Variants in MBNL2 observed in about 807,000 individuals in gnomAD.
The protein encoded by MBNL2 is muscleblind like splicing regulator 2, also known as muscleblind-like protein 2.
In MBNL2, 17 loss-of-function variants were observed where a neutral mutation model predicts 41.9. The ratio of observed to expected loss-of-function variants is 0.41; its 90% CI spans 0.28 to 0.61. MBNL2 has a LOEUF of 0.61. Among genes scored for constraint, MBNL2 ranks in the 20% least tolerant of loss-of-function variants. MBNL2 has a pLI of 0.35. For synonymous variants in MBNL2, 195 were observed against 182.9 expected, an observed-to-expected ratio of 1.07 and a Z score of -0.53; for missense variants, 336 against 505.6, an observed-to-expected ratio of 0.66 and a Z score of 3.22.
At chr13:97,329,243 G>T (rs955215595) in intron 2 of MBNL2, among the ~76,000 whole-genome samples, 6 of 152,120 alleles carry the variant, frequency 3.9e-5, no homozygotes, top group African/African-American at 1.4e-4. Context: ...CTTGGAAGTA[G>T]AAACTGCACA....
At position 97,246,995 on chromosome 13, in the gene MBNL2, C is replaced by G. The variant is rs563354695; in HGVS notation, c.-605+24464C>G. On this transcript the variant is annotated intron_variant, in intron 1 of 8. Coordinates refer to ENST00000679496, the MANE Select transcript of MBNL2 (RefSeq NM_001382683.1). ...GTGTTGAGTAGCCTAAATAATGAAA[C>G]TAGTAATTGAAATTCTTTCTTATTG... Among the ~76,000 whole-genome samples, 3 of 152,264 alleles carry G rather than the reference C, an allele frequency of 2.0e-5. No homozygotes were observed. In the East Asian group the frequency reaches 5.8e-4, roughly 29 times the overall value.
At chr13:97,317,779 G>A (rs79040711) in intron 2 of MBNL2, among the ~76,000 whole-genome samples, 4,078 of 152,178 alleles carry the variant, frequency 0.027, 164 homozygotes, top group African/African-American at 0.088. Flanking sequence ...AAATATACTC[G>A]ATCACTTTAA....
chr13:97,241,002 C>A (rs573141101), intron 1 of MBNL2, among the ~76,000 whole-genome samples: 84 of 152,264 alleles, frequency 5.5e-4, no homozygotes, highest in African/African-American at 1.9e-3. Context: ...GACTGACTGA[C>A]TGAATGAATG....
the MBNL2 span, among the ~76,000 whole-genome samples, chr13:97,165,768 A>G: frequency 6.6e-6 from 1 of 152,212 alleles, no homozygotes; most frequent in Non-Finnish European, 1.5e-5. Flanking sequence ...TGTGTGATAT[A>G]GTTATGCTTA....
chr13:97,145,951 G>T, the MBNL2 span, among the ~76,000 whole-genome samples: 1 of 137,482 alleles, frequency 7.3e-6, no homozygotes, highest in South Asian at 2.4e-4. Context: ...TGCAGACAGG[G>T]TTCTACTCTT....
At position 97,329,783 on chromosome 13, in the gene MBNL2, A is replaced by G. The variant is rs1011424096; in HGVS notation, c.175-4493A>G. On this transcript the variant is annotated intron_variant, in intron 2 of 8. Transcript: ENST00000679496. ...ACACAGCACACACACAACAGGAAAC[A>G]CACAATACATATAATACATACAACA... Among the ~76,000 whole-genome samples, 18 of 89,414 alleles carry G rather than the reference A, an allele frequency of 2.0e-4. 4 individuals carry two copies. Among genetic ancestry groups the G allele is most frequent in the African/African-American group, 7.8e-4 (18 of 23,058 alleles). The allele number at this position is 89,414 out of a possible 152,430, so 58.7% of individuals were successfully genotyped here. A position where few individuals can be genotyped will look rare whatever the true frequency, so the allele number is the denominator to read the frequency against.
Position 97,287,945 on chromosome 13 carries a change from T to TG in MBNL2, c.174+11536_174+11537insG, listed in dbSNP as rs2054976986. On this transcript the variant is annotated intron_variant, in intron 2 of 8. Transcript: ENST00000679496. ...TTTTTTTTTGTTTTGTTTTGTTTTT[T>TG]TTTTTTTTAGTAGAGATGGGGTTTC... 2.1e-5 allele frequency among the ~76,000 whole-genome samples: 3 copies of TG among 145,580 alleles called. No homozygotes were observed. In the South Asian group the frequency reaches 6.5e-4, roughly 31 times the overall value.
At chr13:97,321,718 G>A (rs189515697) in intron 2 of MBNL2, among the ~76,000 whole-genome samples, 3 of 152,316 alleles carry the variant, frequency 2.0e-5, no homozygotes, top group Admixed American at 2.0e-4. Flanking sequence ...AAGACAGGGT[G>A]TGAAGAATGC....
At chr13:97,262,440 G>A (rs886911956) in intron 1 of MBNL2, among the ~76,000 whole-genome samples, 2 of 152,280 alleles carry the variant, frequency 1.3e-5, no homozygotes, top group Middle Eastern at 3.4e-3. Flanking sequence ...ATTATTGGAA[G>A]GATCTTTTGT....
the MBNL2 span, among the ~76,000 whole-genome samples, chr13:97,197,577 C>T: frequency 6.6e-6 from 1 of 152,034 alleles, no homozygotes; most frequent in African/African-American, 2.4e-5. Flanking sequence ...TTTTCTCTAG[C>T]CAGTTTTGCT....
the MBNL2 span, among the ~76,000 whole-genome samples, chr13:97,178,928 G>A: frequency 6.6e-6 from 1 of 152,050 alleles, no homozygotes; most frequent in South Asian, 2.1e-4. Context: ...AAATACAATG[G>A]TATATATCAA....
chr13:97,195,242 C>T, the MBNL2 span, among the ~76,000 whole-genome samples: 18 of 152,254 alleles, frequency 1.2e-4, no homozygotes, highest in African/African-American at 3.9e-4. Context: ...GCCTTGTTCT[C>T]GAGAACTCAG....
At chr13:97,382,702 TCTCA>T (rs1393677946) in intron 8 of MBNL2, among the ~76,000 whole-genome samples, 5 of 149,376 alleles carry the variant, frequency 3.3e-5, no homozygotes, top group Non-Finnish European at 4.4e-5. Context: ...GAAAAGGGTG[TCTCA>T]CTCTGTCACC....
the MBNL2 span, among the ~76,000 whole-genome samples, chr13:97,146,974 T>A: frequency 6.6e-6 from 1 of 152,196 alleles, no homozygotes; most frequent in Admixed American, 6.5e-5. Flanking sequence ...CCTCTTTTTG[T>A]TTTGTATACT....
chr13:97,225,247 G>A (rs1028675951), intron 1 of MBNL2, among the ~76,000 whole-genome samples: 12 of 152,154 alleles, frequency 7.9e-5, no homozygotes, highest in Admixed American at 5.9e-4. Flanking sequence ...TAGATGCTGA[G>A]CTTAAGAGAA....
the MBNL2 span, among the ~76,000 whole-genome samples, chr13:97,175,088 C>T: frequency 4.6e-5 from 7 of 152,200 alleles, no homozygotes; most frequent in South Asian, 4.1e-4. Flanking sequence ...CTACATTCAG[C>T]CAATGACTGA....
At chr13:97,281,617 C>A (rs1245121289) in intron 2 of MBNL2, among the ~76,000 whole-genome samples, 1 of 152,136 alleles carries the variant, frequency 6.6e-6, no homozygotes, top group Non-Finnish European at 1.5e-5. Context: ...TGCTGCTGGG[C>A]TCCTTAATAG....
intron 2 of MBNL2, among the ~76,000 whole-genome samples, chr13:97,287,270 G>T (rs1009288616): frequency 6.6e-6 from 1 of 152,072 alleles, no homozygotes; most frequent in Non-Finnish European, 1.5e-5. Flanking sequence ...AAACTTCATC[G>T]TTCCCAAAAA....
chr13:97,373,000 G>A (rs1315256336), intron 8 of MBNL2, among the ~76,000 whole-genome samples: 3 of 152,126 alleles, frequency 2.0e-5, no homozygotes, highest in Non-Finnish European at 4.4e-5. Flanking sequence ...GAAAAATCTT[G>A]GTTCAGCAAG....
Sources: gnomAD v4.1 joint callset for allele counts (sites outside exome capture counted in the v4.1 genomes callset) on GRCh38, gnomAD v4.1.1 for gene constraint, MANE v1.5 for transcripts, NCBI Gene and HGNC (gene_info 2026-07-23, HGNC 2026-07-21) for gene names.